PPP1R13B: variants seen among roughly 807,000 people sequenced by gnomAD.
PPP1R13B encodes the protein apoptosis-stimulating of p53 protein 1.
A neutral mutation model predicts 119.8 loss-of-function variants in PPP1R13B; 44 were observed. The ratio of observed to expected loss-of-function variants is 0.37; its 90% CI spans 0.29 to 0.47. The LOEUF is 0.47. Ranked by LOEUF, PPP1R13B falls within the 20% of genes least tolerant of loss-of-function variation. The probability of loss-of-function intolerance (pLI) is 0.99; values close to 1 mark genes in which losing one functional copy is unlikely to be tolerated. For missense variants in PPP1R13B, 1,227 were observed against 1,413.5 expected (o/e 0.87, Z 2.12); for synonymous variants, 542 against 561.5 (o/e 0.97, Z 0.49).
intron 9 of PPP1R13B, among the ~76,000 whole-genome samples, chr14:103,745,615 T>C (rs2084366315): frequency 6.6e-6 from 1 of 152,132 alleles, no homozygotes; most frequent in Non-Finnish European, 1.5e-5. Flanking sequence ...CACAGCACCA[T>C]TGTGAGGTCA....
intron 1 of PPP1R13B, among the ~76,000 whole-genome samples, chr14:103,813,261 A>T (rs2086202076): frequency 6.6e-6 from 1 of 151,814 alleles, no homozygotes; most frequent in Admixed American, 6.6e-5. Flanking sequence ...TCCAGAAGAG[A>T]GTCCCCACTG....
chr14:103,735,400 T>C (rs531290764), intron 16 of PPP1R13B, among the ~76,000 whole-genome samples: 2 of 152,286 alleles, frequency 1.3e-5, no homozygotes, highest in African/African-American at 4.8e-5. Context: ...ATATCCTATT[T>C]TTCTCACAAC....
chr14:103,756,363 T>C (rs1342426557), intron 5 of PPP1R13B, among the ~76,000 whole-genome samples: 2 of 152,184 alleles, frequency 1.3e-5, no homozygotes, highest in Non-Finnish European at 2.9e-5. Context: ...GTGCTGGGAT[T>C]ACAGGTATAA....
intron 7 of PPP1R13B, among the ~76,000 whole-genome samples, chr14:103,752,397 C>T (rs879370360): frequency 1.6e-4 from 25 of 152,088 alleles, no homozygotes; most frequent in East Asian, 9.6e-4. Context: ...CTAAGAGGTG[C>T]GGGCCTTTTT....
At chr14:103,813,870 G>C (rs1281854127) in intron 1 of PPP1R13B, among the ~76,000 whole-genome samples, 2 of 152,088 alleles carry the variant, frequency 1.3e-5, no homozygotes, top group Non-Finnish European at 2.9e-5. Context: ...AACCTACCAG[G>C]ACTTCCATAA....
intron 11 of PPP1R13B, among the ~76,000 whole-genome samples, chr14:103,741,145 G>C (rs1035877912): frequency 1.1e-4 from 16 of 152,220 alleles, no homozygotes; most frequent in African/African-American, 3.9e-4. Context: ...TCCCTCAACT[G>C]TGAGTCTAGA....
At position 103,784,856 on chromosome 14, in the gene PPP1R13B, C is replaced by T. The variant is rs372007420; in HGVS notation, c.216G>A (p.Arg72=). 3 of 1,607,578 alleles carry T rather than the reference C, an allele frequency of 1.9e-6. No homozygotes were observed. The highest frequency in any genetic ancestry group is 2.6e-6 in the Non-Finnish European group (3 of 1,175,366). The change falls in exon 3 of 17, where the codon CGG becomes CGA. Residue 72 remains arginine (R), a synonymous_variant. Coordinates refer to ENST00000202556, the MANE Select transcript of PPP1R13B (RefSeq NM_015316.3). ...GAAGGAAAAATTTCACTTCTTCCCT[C>T]CGTGGACCCCATTTCTGAAGATGTT... ...MYEHLQKWGP[R]REEVKFFLRH...
chr14:103,745,373 G>T (rs2084360871), intron 9 of PPP1R13B, among the ~76,000 whole-genome samples: 1 of 152,238 alleles, frequency 6.6e-6, no homozygotes, highest in African/African-American at 2.4e-5. Flanking sequence ...TGGCCAGAGA[G>T]TAACAGTACT....
rs371109928 is a variant in PPP1R13B, at chr14:103,735,213, C to T, written c.3232-18G>A. The T allele has an allele frequency of 5.3e-5, 86 of 1,613,550 alleles. No individual in the cohort carries two copies. Among genetic ancestry groups the T allele is most frequent in the Middle Eastern group, 5.1e-4 (3 of 5,910 alleles). On this transcript the variant is annotated intron_variant, in intron 16 of 16. Transcript: ENST00000202556. ...GGATACAGCTGGGAAGCAACGGAGC[C>T]GCGTCAGGACAGGAAGCCACACACA... is the stretch of plus-strand genomic sequence containing the variant.
intron 1 of PPP1R13B, among the ~76,000 whole-genome samples, chr14:103,841,596 A>G (rs1402222090): frequency 6.6e-6 from 1 of 151,540 alleles, no homozygotes; most frequent in African/African-American, 2.4e-5. Context: ...ACTCAAAAAG[A>G]AAAAAAAAGA....
At position 103,742,783 on chromosome 14, in the gene PPP1R13B, G is replaced by A. The variant is rs1194437080; in HGVS notation, c.1191C>T (p.Ser397=). The change falls in exon 10 of 17, where the codon AGC becomes AGT. Residue 397 remains serine, a synonymous_variant. Coordinates refer to ENST00000202556, the MANE Select transcript of PPP1R13B (RefSeq NM_015316.3). This position sits in a 1 kb window ranked among gnomAD's most constrained non-coding sequence, Gnocchi z 4.9. ...CCACCTGCACTGGTTTCACGGAAGAGCTAGAATTCTGTTTTAATGTTGGCC... is the reference window on the plus strand; with the variant it reads ...CCACCTGCACTGGTTTCACGGAAGAACTAGAATTCTGTTTTAATGTTGGCC... ...GNWPTLKQNS[S]SSVKPVQVAG... The A allele has an allele frequency of 1.9e-6, 3 of 1,614,048 alleles. No homozygotes were observed. Among genetic ancestry groups the A allele is most frequent in the Non-Finnish European group, 2.5e-6 (3 of 1,180,046 alleles).
intron 3 of PPP1R13B, 87 bp from the exon 4 acceptor site, chr14:103,778,908 T>C (rs1417667082): frequency 1.1e-5 from 12 of 1,050,058 alleles, no homozygotes; most frequent in Non-Finnish European, 1.6e-5. Flanking sequence ...CAAATATTTA[T>C]TGAACACAAG....
chr14:103,811,360 T>C (rs1595807879), intron 1 of PPP1R13B, among the ~76,000 whole-genome samples: 1 of 151,930 alleles, frequency 6.6e-6, no homozygotes, highest in African/African-American at 2.4e-5. Flanking sequence ...ATCTGCAAAG[T>C]ACATATTTGA....
At position 103,744,834 on chromosome 14, in the gene PPP1R13B, AG is replaced by A. The variant is rs1489258810; in HGVS notation, c.1150+1538del. Among the ~76,000 whole-genome samples the A allele has an allele frequency of 1.5e-4, 23 of 152,338 alleles. No homozygotes were observed. The East Asian group carries it at 4.4e-3, about 29-fold the overall frequency. ...CTGCCCCGACTCTGAAGGTGAGCAC[AG>A]GTTCCCCGTGTCCATGACTTTCATC... On this transcript the variant is annotated intron_variant, in intron 9 of 16. Coordinates refer to ENST00000202556, the MANE Select transcript of PPP1R13B (RefSeq NM_015316.3).
At chr14:103,763,051 A>G in intron 4 of PPP1R13B, 16 of 1,415,294 alleles carry the variant, frequency 1.1e-5, no homozygotes, top group South Asian at 1.1e-4. Flanking sequence ...AAAAACTACC[A>G]TCCTTAAAAG....
At chr14:103,750,328 A>G (rs2084508450) in intron 7 of PPP1R13B, among the ~76,000 whole-genome samples, 1 of 152,218 alleles carries the variant, frequency 6.6e-6, no homozygotes, top group Non-Finnish European at 1.5e-5. Flanking sequence ...AAGGACCAAA[A>G]AGGATGGCCT....
chr14:103,739,540 G>C (rs1321687735), intron 12 of PPP1R13B, among the ~76,000 whole-genome samples: 1 of 152,194 alleles, frequency 6.6e-6, no homozygotes, highest in Non-Finnish European at 1.5e-5. Context: ...ACCTTCAGGT[G>C]CCAGCGACAG....
chr14:103,742,636 G>C lies in PPP1R13B; in HGVS notation c.1320+18C>G. ...TTGAAGAGCCCGCTTGTGTTCTGTGGTAAAGACACAGGCCTACCGGCTTCT... is the reference window on the plus strand; with the variant it reads ...TTGAAGAGCCCGCTTGTGTTCTGTGCTAAAGACACAGGCCTACCGGCTTCT... On this transcript the variant is annotated intron_variant, in intron 10 of 16. Coordinates refer to ENST00000202556, the MANE Select transcript of PPP1R13B (RefSeq NM_015316.3). This position sits in a 1 kb window ranked among gnomAD's most constrained non-coding sequence, Gnocchi z 4.9. 6.2e-7 allele frequency: 1 copy of C among 1,611,940 alleles called. No individual in the cohort carries two copies.
intron 4 of PPP1R13B, among the ~76,000 whole-genome samples, chr14:103,771,542 G>A (rs1264506905): frequency 7.0e-6 from 1 of 143,414 alleles, no homozygotes; most frequent in Non-Finnish European, 1.5e-5. Context: ...GTGCGATGGC[G>A]TGATCTCAGC....
Sources: allele counts gnomAD v4.1 joint callset (sites outside exome capture counted in the v4.1 genomes callset), GRCh38; gene constraint gnomAD v4.1.1; non-coding constraint Gnocchi (gnomAD v3.1); transcripts MANE v1.5; gene names NCBI Gene and HGNC (gene_info 2026-07-23, HGNC 2026-07-21).